RAP1GAP2: variants seen among roughly 807,000 people sequenced by gnomAD.
The protein encoded by RAP1GAP2 is rap1 GTPase-activating protein 2.
Under a neutral mutation model 95.0 loss-of-function variants are expected in RAP1GAP2, and 27 were observed. That is an observed-to-expected ratio of 0.28 (90% CI 0.21 to 0.39). RAP1GAP2 has a LOEUF of 0.39. Ranked by LOEUF, RAP1GAP2 falls within the 10% of genes least tolerant of loss-of-function variation. The pLI is 1.00. For missense variants in RAP1GAP2, 771 were observed against 970.0 expected (o/e 0.79, Z 2.72); for synonymous variants, 373 against 380.9 (o/e 0.98, Z 0.24).
chr17:2,942,431 A>T (rs2043531837), intron 3 of RAP1GAP2, among the ~76,000 whole-genome samples: 2 of 152,202 alleles, frequency 1.3e-5, no homozygotes, highest in African/African-American at 4.8e-5. Context: ...CGTTTGGTCC[A>T]CATAGAGATT....
upstream of RAP1GAP2, among the ~76,000 whole-genome samples, chr17:2,795,208 C>T (rs1294133555): frequency 3.3e-5 from 5 of 150,134 alleles, no homozygotes; most frequent in Middle Eastern, 3.4e-3. Context: ...TTTTTTGAGA[C>T]GTTTTCTTCC....
At chr17:2,997,727 A>G (rs950659144) in intron 13 of RAP1GAP2, among the ~76,000 whole-genome samples, 2 of 152,058 alleles carry the variant, frequency 1.3e-5, no homozygotes, top group Non-Finnish European at 2.9e-5. Context: ...GTTTAAGACC[A>G]GCCTGGCCAA....
At chr17:2,944,670 C>G (rs902698150) in intron 3 of RAP1GAP2, among the ~76,000 whole-genome samples, 1 of 151,998 alleles carries the variant, frequency 6.6e-6, no homozygotes, top group Non-Finnish European at 1.5e-5. Flanking sequence ...TCAAAACATC[C>G]AGCTAGGATT....
At position 2,787,970 on chromosome 17, in the gene RAP1GAP2, C is replaced by T. The variant is rs12600882; in HGVS notation, c.-14+10692C>T. On this transcript the variant is annotated intron_variant, in intron 1 of 24. Coordinates refer to the RAP1GAP2 transcript ENST00000540393. ...AGTGGCTAGATAGTATTCCATTGTA[C>T]GCTTATTCTGCAATGTAGTTAATCC... 8.5e-4 allele frequency among the ~76,000 whole-genome samples: 129 copies of T among 152,258 alleles called. 3 individuals carry two copies. In the East Asian group the frequency reaches 0.022, roughly 25 times the overall value.
At chr17:2,773,882 C>G (rs531974460), upstream of RAP1GAP2, among the ~76,000 whole-genome samples, 1 of 151,882 alleles carries the variant, frequency 6.6e-6, no homozygotes, top group African/African-American at 2.4e-5. Flanking sequence ...CTCAGCCTCC[C>G]GAGTAGCTGG....
At chr17:3,012,686 A>G (rs1464083590) in intron 17 of RAP1GAP2, among the ~76,000 whole-genome samples, 1 of 151,588 alleles carries the variant, frequency 6.6e-6, no homozygotes, top group Non-Finnish European at 1.5e-5. Flanking sequence ...CTATAGGGTA[A>G]ATAGGTAAGG....
intron 3 of RAP1GAP2, among the ~76,000 whole-genome samples, chr17:2,918,311 T>C (rs1424314453): frequency 6.6e-6 from 1 of 150,570 alleles, no homozygotes; most frequent in African/African-American, 2.4e-5. Context: ...CGAGCGCCTA[T>C]AATCCCAGCT....
At chr17:2,932,933 C>T (rs1450017084) in intron 3 of RAP1GAP2, among the ~76,000 whole-genome samples, 2 of 152,108 alleles carry the variant, frequency 1.3e-5, no homozygotes, top group Admixed American at 1.3e-4. Context: ...TCTTCAGCCC[C>T]TTTCCTCCTC....
At chr17:2,946,944 A>G (rs1206315813) in intron 3 of RAP1GAP2, among the ~76,000 whole-genome samples, 1 of 152,124 alleles carries the variant, frequency 6.6e-6, no homozygotes, top group African/African-American at 2.4e-5. Flanking sequence ...TAGTAGAAAC[A>G]GGGTTTCTCC....
intron 2 of RAP1GAP2, among the ~76,000 whole-genome samples, chr17:2,873,258 G>A (rs1206368369): frequency 1.7e-4 from 24 of 144,842 alleles, no homozygotes; most frequent in African/African-American, 4.6e-4. Flanking sequence ...TCAGGAGTTC[G>A]AGACCAGCCT....
chr17:2,815,456 A>ATATTATTATTATTAT (rs10675930), intron 2 of RAP1GAP2, among the ~76,000 whole-genome samples: 84 of 140,138 alleles, frequency 6.0e-4, no homozygotes, highest in African/African-American at 1.3e-3. Context: ...AACATCTCTG[A>ATATTATTATTATTAT]TATTATTATT....
chr17:2,850,005 T>TG lies in RAP1GAP2; in HGVS notation c.80+49455_80+49456insG, dbSNP rs939173904. Among the ~76,000 whole-genome samples, 13 of 148,280 alleles carry TG rather than the reference T, an allele frequency of 8.8e-5. No homozygotes were observed. The South Asian group carries it at 2.4e-3, about 28-fold the overall frequency. On this transcript the variant is annotated intron_variant, in intron 2 of 24. Transcript: ENST00000254695. ...TAACACCTAACACTGCCTGCTTTTT[T>TG]TTTTTTTTTTTTTGAGATGGAGTCT...
At position 3,007,682 on chromosome 17, in the gene RAP1GAP2, T is replaced by C. The variant is rs114257897; in HGVS notation, c.1360-329T>C. ...CTGGATGGAGAGGAGCAGTGGGGAGTTGGGTGCGTGGATGTGGAGCTGGGG... is the reference window on the plus strand; with the variant it reads ...CTGGATGGAGAGGAGCAGTGGGGAGCTGGGTGCGTGGATGTGGAGCTGGGG... On this transcript the variant is annotated intron_variant, in intron 16 of 24. Transcript: ENST00000254695. Among the ~76,000 whole-genome samples the C allele has an allele frequency of 3.7e-3, 561 of 151,626 alleles. 7 individuals carry two copies. The highest frequency in any genetic ancestry group is 0.013 in the African/African-American group (529 of 41,300).
intron 2 of RAP1GAP2, among the ~76,000 whole-genome samples, chr17:2,891,826 T>C (rs1048083035): frequency 7.6e-6 from 1 of 130,852 alleles, no homozygotes; most frequent in Non-Finnish European, 1.6e-5. Context: ...TTTTTTTTTT[T>C]TTTTTTTTTT....
chr17:2,878,812 G>T (rs967713274), intron 2 of RAP1GAP2, among the ~76,000 whole-genome samples: 4 of 152,226 alleles, frequency 2.6e-5, no homozygotes, highest in African/African-American at 9.6e-5. Context: ...GCAAACCTGG[G>T]CCCCAGAGCC....
At chr17:2,992,319 G>A (rs1283030657) in intron 12 of RAP1GAP2, among the ~76,000 whole-genome samples, 1 of 151,756 alleles carries the variant, frequency 6.6e-6, no homozygotes, top group Non-Finnish European at 1.5e-5. Flanking sequence ...GCGCCACCAT[G>A]CCTGGCTAAT....
intron 4 of RAP1GAP2, among the ~76,000 whole-genome samples, chr17:2,961,472 A>T (rs1431459742): frequency 6.6e-6 from 1 of 152,224 alleles, no homozygotes; most frequent in Non-Finnish European, 1.5e-5. Flanking sequence ...CCGAGATCAT[A>T]CCACTGCACT....
intron 2 of RAP1GAP2, among the ~76,000 whole-genome samples, chr17:2,882,132 T>C (rs2073326529): frequency 6.7e-6 from 1 of 149,974 alleles, no homozygotes; most frequent in Non-Finnish European, 1.5e-5. Flanking sequence ...TTTTTTTTTT[T>C]TTTTTTAATT....
At position 3,004,339 on chromosome 17, in the gene RAP1GAP2, C is replaced by G. The variant is rs1020878303; in HGVS notation, c.1201-1030C>G. Among the ~76,000 whole-genome samples, 10 of 152,386 alleles carry G rather than the reference C, an allele frequency of 6.6e-5. No individual in the cohort carries two copies. The highest frequency in any genetic ancestry group is 5.9e-4 in the Admixed American group (9 of 15,310). On this transcript the variant is annotated intron_variant, in intron 14 of 24. Coordinates refer to ENST00000254695, the MANE Select transcript of RAP1GAP2 (RefSeq NM_015085.5). This position sits in a 1 kb window ranked among gnomAD's most constrained non-coding sequence, Gnocchi z 4.1. ...TCCCGCTCCGTTTCCCCTCCGGACT[C>G]TGGCAGGGCCTTTCCTTGGCTCGGT...
Sources: allele counts gnomAD v4.1 joint callset (sites outside exome capture counted in the v4.1 genomes callset), GRCh38; gene constraint gnomAD v4.1.1; non-coding constraint Gnocchi (gnomAD v3.1); transcripts MANE v1.5; gene names NCBI Gene and HGNC (gene_info 2026-07-23, HGNC 2026-07-21).